THAP4: variants seen among roughly 807,000 people sequenced by gnomAD.
THAP4 encodes the protein THAP domain containing 4, also known as peroxynitrite isomerase THAP4.
THAP4 carries 18 observed loss-of-function variants against 48.1 expected under a neutral mutation model. The observed-to-expected ratio is 0.37, with a 90% CI of 0.26 to 0.56. The LOEUF (loss-of-function observed/expected upper bound fraction) is 0.56, where lower values mean the gene tolerates loss of function less well. THAP4 is among the 20% of genes least tolerant of loss of function. The pLI, the probability that THAP4 is intolerant of heterozygous loss-of-function variation, is 0.78. For synonymous variants in THAP4, 345 were observed against 324.9 expected, an observed-to-expected ratio of 1.06 and a Z score of -0.66; for missense variants, 656 against 774.9, an observed-to-expected ratio of 0.85 and a Z score of 1.82.
Position 241,601,655 on chromosome 2 carries a change from ATGT to A in THAP4, c.1614+238_1614+240del, listed in dbSNP as rs1167035157. On this transcript the variant is annotated intron_variant, in intron 5 of 5. Transcript: ENST00000407315. This position sits in a 1 kb window ranked among gnomAD's most constrained non-coding sequence, Gnocchi z 4.0. Reference sequence around the variant, plus strand: ...ACGTGGACAACCCAAATGCAAAAGGATGTTTGTGACAAACAACAAACCTCAAAA... The same window carrying A: ...ACGTGGACAACCCAAATGCAAAAGGATTGTGACAAACAACAAACCTCAAAA... 6.6e-6 allele frequency among the ~76,000 whole-genome samples: 1 copy of A among 152,162 alleles called. No homozygotes were observed.
At position 241,584,600 on chromosome 2, in the gene THAP4, C is replaced by G. The variant is rs570026415; in HGVS notation, c.*6G>C. On this transcript the variant is annotated 3_prime_UTR_variant, in exon 6 of 6. Coordinates refer to ENST00000407315, the MANE Select transcript of THAP4 (RefSeq NM_015963.6). ...GGCCCTCCCGAGGGCTCCAGAAGCT[C>G]TAGGTTTACGGGGTCACCTTCTTGT... 1.2e-6 allele frequency: 2 copies of G among 1,614,142 alleles called. No individual in the cohort carries two copies. The highest frequency in any genetic ancestry group is 2.2e-5 in the South Asian group (2 of 91,076).
intron 2 of THAP4, among the ~76,000 whole-genome samples, chr2:241,631,826 A>T: frequency 6.6e-6 from 1 of 151,712 alleles, no homozygotes; most frequent in Non-Finnish European, 1.5e-5. Flanking sequence ...ACAAACAATA[A>T]TTTTTTTACC....
At chr2:241,591,190 G>T (rs2066974207) in intron 5 of THAP4, among the ~76,000 whole-genome samples, 1 of 151,948 alleles carries the variant, frequency 6.6e-6, no homozygotes, top group South Asian at 2.1e-4. Context: ...GAGCTGCTCG[G>T]CTGATGATGA....
upstream of THAP4, chr2:241,637,295 G>C: frequency 2.6e-6 from 3 of 1,142,108 alleles, no homozygotes; most frequent in Non-Finnish European, 2.2e-6. Flanking sequence ...GCGGGCAGAC[G>C]GGCGGGGGAG....
In THAP4 at chr2:241,633,180, A is replaced by G. The variant is rs1250523647; in HGVS notation, c.977T>C (p.Met326Thr). 5 of 1,608,870 alleles carry G rather than the reference A, an allele frequency of 3.1e-6. No individual in the cohort carries two copies. Among genetic ancestry groups the G allele is most frequent in the African/African-American group, 2.7e-5 (2 of 74,706 alleles). The change falls in exon 2 of 6, where the codon ATG becomes ACG. Residue 326 changes from methionine to threonine, a missense_variant. Physicochemically the swap from Met to Thr is moderately conservative, Grantham distance 81. This residue lies in a region of THAP4 where 391 missense variants were observed against 412.4 expected (regional missense o/e 0.95). Transcript: ENST00000407315. This position sits in a 1 kb window ranked among gnomAD's most constrained non-coding sequence, Gnocchi z 7.5. ...VQSEHSDASP[M>T]SINEVILSAS... ...CGACAGGATGACCTCGTTGATGGAC[A>G]TGGGGCTGGCGTCGCTGTGCTCGCT...
intron 2 of THAP4, 70 bp downstream of exon 2, chr2:241,632,838 TCAGGGGACG>T: frequency 8.5e-7 from 1 of 1,176,208 alleles, no homozygotes; most frequent in Non-Finnish European, 1.2e-6. Flanking sequence ...CCAGAAATGC[TCAGGGGACG>T]CTGGCCACCT....
intron 2 of THAP4, among the ~76,000 whole-genome samples, chr2:241,627,548 G>A (rs1443529723): frequency 6.6e-6 from 1 of 152,220 alleles, no homozygotes; most frequent in African/African-American, 2.4e-5. Context: ...CACCTCTGAA[G>A]CCCACTGGCC....
At chr2:241,618,603 A>T (rs4675916) in intron 2 of THAP4, among the ~76,000 whole-genome samples, 3,589 of 152,272 alleles carry the variant, frequency 0.024, 205 homozygotes, top group East Asian at 0.19. Context: ...TTGGATCCAT[A>T]AGGAAGTGAG....
At chr2:241,599,374 G>A (rs1043391664) in intron 5 of THAP4, among the ~76,000 whole-genome samples, 2 of 152,004 alleles carry the variant, frequency 1.3e-5, no homozygotes, top group African/African-American at 2.4e-5. Flanking sequence ...AAACATTCAC[G>A]CCTGTTGTTC....
rs1486231292 is a variant in THAP4, at chr2:241,584,468, A to C, written c.*138T>G. 9 of 912,078 alleles carry C rather than the reference A, an allele frequency of 9.9e-6. No homozygotes were observed. The highest frequency in any genetic ancestry group is 2.3e-5 in the Admixed American group (1 of 42,586). The allele number at this position is 912,078 out of a possible 1,614,324, so 56.5% of individuals were successfully genotyped here. On this transcript the variant is annotated 3_prime_UTR_variant, in exon 6 of 6. Transcript: ENST00000407315. ...TTATTTGGTTTTTCTATGCCAGTAC[A>C]GAAACATCTGGACAACACTCTTGAG...
intron 2 of THAP4, among the ~76,000 whole-genome samples, chr2:241,609,347 G>A (rs563321781): frequency 8.5e-5 from 13 of 152,348 alleles, no homozygotes; most frequent in African/African-American, 2.6e-4. Flanking sequence ...AACCTTGGGA[G>A]GTGTGAAACA....
chr2:241,588,895 GA>G (rs1177195659), intron 5 of THAP4, among the ~76,000 whole-genome samples: 3 of 151,862 alleles, frequency 2.0e-5, no homozygotes, highest in Non-Finnish European at 2.9e-5. Flanking sequence ...ACTGACTAGA[GA>G]AAAAAAATGG....
intron 2 of THAP4, among the ~76,000 whole-genome samples, chr2:241,615,868 C>T (rs1035335599): frequency 7.2e-5 from 11 of 152,214 alleles, no homozygotes; most frequent in African/African-American, 2.4e-4. Context: ...GAGAGCTCTT[C>T]GCCGCCCTCA....
chr2:241,620,254 TGAGTGAG>T (rs571579505), intron 2 of THAP4, among the ~76,000 whole-genome samples: 1 of 31,048 alleles, frequency 3.2e-5, no homozygotes, highest in East Asian at 8.9e-4. Flanking sequence ...GAGTGAGGAG[TGAGTGAG>T]GGGTGAGGGG....
At position 241,616,626 on chromosome 2, in the gene THAP4, C is replaced by T. The variant is rs2067352347; in HGVS notation, c.1241-10153G>A. Among the ~76,000 whole-genome samples, 1 of 152,126 alleles carries T rather than the reference C, an allele frequency of 6.6e-6. No individual in the cohort carries two copies. The highest frequency in any genetic ancestry group is 2.4e-5 in the African/African-American group (1 of 41,408). On this transcript the variant is annotated intron_variant, in intron 2 of 5. Transcript: ENST00000407315. The surrounding 1 kb of genome is among the most constrained non-coding windows in gnomAD (Gnocchi z 4.6). ...CACCACACTTGGGGACAGGACAGGA[C>T]GCAGCACTTATGTGGCAATTTCTTT...
intron 5 of THAP4, among the ~76,000 whole-genome samples, chr2:241,600,625 G>T (rs2125075199): frequency 6.6e-6 from 1 of 151,610 alleles, no homozygotes; most frequent in African/African-American, 2.4e-5. Flanking sequence ...CTACTCGGGA[G>T]GCTGAGGCAG....
At chr2:241,636,750 T>G (rs1575044640) in intron 1 of THAP4, among the ~76,000 whole-genome samples, 191 bp downstream of exon 1, 1 of 150,710 alleles carries the variant, frequency 6.6e-6, no homozygotes, top group Non-Finnish European at 1.5e-5. Context: ...TGGGGGCGGC[T>G]GCGCTGCCCG....
In THAP4 at chr2:241,586,581, C is replaced by T. The variant is rs548845734; in HGVS notation, c.1615-1856G>A. On this transcript the variant is annotated intron_variant, in intron 5 of 5. Transcript: ENST00000407315. ...AGAAAAAACAGGAAATAGACACCTC[C>T]CCCACCCTCACCCAGGGGATACCAA... 5.3e-5 allele frequency among the ~76,000 whole-genome samples: 8 copies of T among 152,228 alleles called. No individual in the cohort carries two copies. In the East Asian group the frequency reaches 1.5e-3, roughly 29 times the overall value.
rs144215808 is a variant in THAP4, at chr2:241,615,159, G to C, written c.1241-8686C>G. On this transcript the variant is annotated intron_variant, in intron 2 of 5. Coordinates refer to ENST00000407315, the MANE Select transcript of THAP4 (RefSeq NM_015963.6). ...CCAATTAGATGAAATTCGAGACCAG[G>C]CAGAAAGGATGGAGGGTGGGGAATC... Among the ~76,000 whole-genome samples the C allele has an allele frequency of 3.8e-3, 572 of 152,226 alleles. 1 individual carries two copies. The highest frequency in any genetic ancestry group is 0.013 in the African/African-American group (537 of 41,524).
Sources: allele counts gnomAD v4.1 joint callset (sites outside exome capture counted in the v4.1 genomes callset), GRCh38; gene constraint gnomAD v4.1.1; regional missense constraint gnomAD v4.1.1; non-coding constraint Gnocchi (gnomAD v3.1); transcripts MANE v1.5; gene names NCBI Gene and HGNC (gene_info 2026-07-23, HGNC 2026-07-21).